CWH43: variants seen among roughly 807,000 people sequenced by gnomAD.
The protein encoded by CWH43 is cell wall biogenesis 43 C-terminal homolog.
In CWH43, 91 loss-of-function variants were observed where a neutral mutation model predicts 85.7. The ratio of observed to expected loss-of-function variants is 1.06; its 90% CI spans 0.90 to 1.26. CWH43 has a LOEUF of 1.26. Among genes scored for constraint, CWH43 ranks in the 50% most tolerant of loss-of-function variants. The probability of loss-of-function intolerance (pLI) is 0.00; values close to 1 mark genes in which losing one functional copy is unlikely to be tolerated. For synonymous variants in CWH43, 323 were observed against 293.6 expected, an observed-to-expected ratio of 1.10 and a Z score of -1.02; for missense variants, 869 against 839.2, an observed-to-expected ratio of 1.04 and a Z score of -0.44.
chr4:49,003,643 C>A (rs762041545), intron 6 of CWH43, 92 bp from the exon 7 acceptor site: 58 of 1,270,250 alleles, frequency 4.6e-5, no homozygotes, highest in Non-Finnish European at 6.1e-5. Context: ...TCAGTATACC[C>A]CTAAGGTCTG....
At chr4:49,012,885 C>G (rs191460928) in intron 8 of CWH43, among the ~76,000 whole-genome samples, 1 of 152,152 alleles carries the variant, frequency 6.6e-6, no homozygotes, top group Admixed American at 6.5e-5. Flanking sequence ...TTGGCACCCA[C>G]CTGTATGAGG....
At chr4:49,006,653 T>C (rs1783166085) in intron 7 of CWH43, among the ~76,000 whole-genome samples, 1 of 152,206 alleles carries the variant, frequency 6.6e-6, no homozygotes, top group Non-Finnish European at 1.5e-5. Flanking sequence ...TGTAAGCTAG[T>C]TTGTTGCATA....
chr4:49,026,100 T>C lies in CWH43; in HGVS notation c.1267-2529T>C, dbSNP rs139552058. 2.6e-4 allele frequency among the ~76,000 whole-genome samples: 39 copies of C among 152,294 alleles called. 1 individual carries two copies. The East Asian group carries it at 6.4e-3, about 25-fold the overall frequency. ...CCAGGAGAATTATTGCTGCCTCTGC[T>C]GTCTCACACAGGTTTCCAGAGAAGT... On this transcript the variant is annotated intron_variant, in intron 9 of 15. Transcript: ENST00000226432.
intron 11 of CWH43, 170 bp downstream of exon 11, chr4:49,031,130 T>G: frequency 1.7e-6 from 1 of 594,166 alleles, no homozygotes; most frequent in African/African-American, 1.9e-5. Flanking sequence ...TTTCAAATGG[T>G]TTTTCTGTGG....
At chr4:49,016,962 T>C in intron 8 of CWH43, 5 of 783,168 alleles carry the variant, frequency 6.4e-6, no homozygotes, top group Non-Finnish European at 1.2e-5. Context: ...TTTGTAGCAG[T>C]TCTGCGCAGG....
intron 14 of CWH43, among the ~76,000 whole-genome samples, chr4:49,046,952 T>C (rs1193911384): frequency 1.3e-5 from 2 of 152,182 alleles, no homozygotes; most frequent in African/African-American, 4.8e-5. Context: ...AACTGCCATC[T>C]TGGGGACAAT....
Position 48,992,081 on chromosome 4 carries a change from A to T in CWH43, c.502A>T (p.Ile168Phe). Residue 168 changes from isoleucine (I) to phenylalanine (F), a missense_variant, in exon 4 of 16, where the codon ATT becomes TTT. By Grantham distance (21) the Ile-to-Phe change is conservative. Coordinates refer to ENST00000226432, the MANE Select transcript of CWH43 (RefSeq NM_025087.3). This position sits in a 1 kb window ranked among gnomAD's most constrained non-coding sequence, Gnocchi z 4.3. ...AAGTGCCATAGCCACACTTGATCGT[A>T]TTGGCACAGGTAATACTGTAACTTA... ...TLSAIATLDR[I>F]GTDGDCSKPE... 1 of 1,613,744 alleles carries T rather than the reference A, an allele frequency of 6.2e-7. No homozygotes were observed. The highest frequency in any genetic ancestry group is 1.3e-5 in the African/African-American group (1 of 75,060).
chr4:49,028,202 T>C (rs1054332644), intron 9 of CWH43, among the ~76,000 whole-genome samples: 1 of 152,184 alleles, frequency 6.6e-6, no homozygotes, highest in African/African-American at 2.4e-5. Flanking sequence ...TTTTGCAACA[T>C]ACTTTTTTTT....
At position 49,001,219 on chromosome 4, in the gene CWH43, A is replaced by G. The variant is rs137994349; in HGVS notation, c.803-2516A>G. 1.9e-3 allele frequency among the ~76,000 whole-genome samples: 292 copies of G among 152,302 alleles called. 1 individual carries two copies. The highest frequency in any genetic ancestry group is 6.8e-3 in the African/African-American group (283 of 41,566). On this transcript the variant is annotated intron_variant, in intron 6 of 15. Transcript: ENST00000226432. The stretch of plus-strand genomic sequence containing the variant: ...AGTTCTATTTTTAAAAAAAGTCTAG[A>G]TATAGTAAACATATTGATAGGACCC...
chr4:49,034,858 G>A (rs1285615738), intron 12 of CWH43, among the ~76,000 whole-genome samples: 1 of 152,164 alleles, frequency 6.6e-6, no homozygotes, highest in African/African-American at 2.4e-5. Context: ...CAAAGTACAT[G>A]AATGTAGTAA....
chr4:49,009,030 A>T (rs901063705), intron 8 of CWH43, among the ~76,000 whole-genome samples: 5 of 152,136 alleles, frequency 3.3e-5, no homozygotes, highest in African/African-American at 1.2e-4. Flanking sequence ...TGGTGACTTG[A>T]TGGGGATGGC....
chr4:49,040,270 G>A (rs371442840), intron 13 of CWH43, among the ~76,000 whole-genome samples: 5 of 152,146 alleles, frequency 3.3e-5, no homozygotes, highest in Admixed American at 1.3e-4. Context: ...CAGTAATGGG[G>A]TGGCTGGGTC....
At chr4:49,002,541 G>A (rs1471308269) in intron 6 of CWH43, among the ~76,000 whole-genome samples, 3 of 152,144 alleles carry the variant, frequency 2.0e-5, no homozygotes, top group Admixed American at 6.5e-5. Flanking sequence ...GGTTATCTCC[G>A]TCTTAGACAA....
intron 14 of CWH43, among the ~76,000 whole-genome samples, chr4:49,045,891 T>C (rs1486893070): frequency 6.6e-6 from 1 of 152,132 alleles, no homozygotes; most frequent in Non-Finnish European, 1.5e-5. Context: ...TTCAAAATCC[T>C]CTTTTCTATT....
Position 48,988,540 on chromosome 4 carries a change from C to G in CWH43, c.107C>G (p.Thr36Arg). 6.2e-7 allele frequency: 1 copy of G among 1,613,382 alleles called. No individual in the cohort carries two copies. The highest frequency in any genetic ancestry group is 8.5e-7 in the Non-Finnish European group (1 of 1,179,604). The part of the protein sequence containing the change: ...GPMIYYFPLQ[T>R]LELTGLEGFS... ...ATGATCTATTACTTTCCTTTGCAAA[C>G]ACTAGAACTCACTGGGCTTGAAGGT... is the stretch of plus-strand genomic sequence containing the variant. The change falls in exon 2 of 16, where the codon ACA becomes AGA. Residue 36 changes from threonine (T) to arginine (R), a missense_variant. Transcript: ENST00000226432.
chr4:49,044,281 C>T (rs954588707), intron 13 of CWH43, among the ~76,000 whole-genome samples: 1 of 152,154 alleles, frequency 6.6e-6, no homozygotes, highest in African/African-American at 2.4e-5. Flanking sequence ...ATTTAAGAAA[C>T]ACAGATGGAA....
intron 15 of CWH43, among the ~76,000 whole-genome samples, chr4:49,059,654 C>T (rs993165116): frequency 1.3e-5 from 2 of 152,278 alleles, no homozygotes; most frequent in South Asian, 2.1e-4. Flanking sequence ...TAGCTGGGCT[C>T]ATGGGTGGAC....
chr4:49,023,113 T>C (rs2109793335), intron 9 of CWH43, among the ~76,000 whole-genome samples: 1 of 152,296 alleles, frequency 6.6e-6, no homozygotes, highest in South Asian at 2.1e-4. Context: ...TCTAGTTCCT[T>C]GAGTTGTGAC....
At chr4:48,995,353 C>T (rs1385892638) in intron 5 of CWH43, among the ~76,000 whole-genome samples, 1 of 152,182 alleles carries the variant, frequency 6.6e-6, no homozygotes, top group Non-Finnish European at 1.5e-5. Context: ...AGTTAGTAGT[C>T]TGGAGTCAAG....
Sources: allele counts gnomAD v4.1 joint callset (sites outside exome capture counted in the v4.1 genomes callset), GRCh38; gene constraint gnomAD v4.1.1; non-coding constraint Gnocchi (gnomAD v3.1); transcripts MANE v1.5; gene names NCBI Gene and HGNC (gene_info 2026-07-23, HGNC 2026-07-21).